IGSF10: variants seen among roughly 807,000 people sequenced by gnomAD.
IGSF10 encodes calvaria mechanical force protein 608.
A neutral mutation model predicts 128.2 loss-of-function variants in IGSF10; 126 were observed. The observed-to-expected ratio is 0.98, with a 90% CI of 0.85 to 1.14. IGSF10 has a LOEUF of 1.14. IGSF10 is among the 50% of genes most tolerant of loss of function. The pLI, the probability that IGSF10 is intolerant of heterozygous loss-of-function variation, is 0.00. For synonymous variants in IGSF10, 1,185 were observed against 1,146.2 expected (o/e 1.03, Z -0.68); for missense variants, 3,295 against 3,149.8 (o/e 1.05, Z -1.10).
chr3:151,480,841 C>T, the IGSF10 span, among the ~76,000 whole-genome samples: 1 of 152,046 alleles, frequency 6.6e-6, no homozygotes, highest in Non-Finnish European at 1.5e-5. Flanking sequence ...ACTACCAGAA[C>T]ATTTGTGCCC....
At chr3:151,613,530 A>G in the IGSF10 span, among the ~76,000 whole-genome samples, 39 of 152,354 alleles carry the variant, frequency 2.6e-4, no homozygotes, top group East Asian at 7.3e-3. Context: ...ACATATCTAC[A>G]ACTATCTGAT....
the IGSF10 span, among the ~76,000 whole-genome samples, chr3:151,539,805 T>TATC: frequency 2.6e-5 from 4 of 151,648 alleles, no homozygotes; most frequent in Non-Finnish European, 4.4e-5. Flanking sequence ...TCTATCTATC[T>TATC]ATCTATCTAT....
At chr3:151,523,422 G>A in the IGSF10 span, among the ~76,000 whole-genome samples, 1 of 152,054 alleles carries the variant, frequency 6.6e-6, no homozygotes, top group African/African-American at 2.4e-5. Flanking sequence ...AAACTGTACT[G>A]CAGGGCTACA....
chr3:151,507,548 G>A, the IGSF10 span, among the ~76,000 whole-genome samples: 1 of 152,156 alleles, frequency 6.6e-6, no homozygotes, highest in African/African-American at 2.4e-5. Flanking sequence ...AGTTCTGCAT[G>A]GCTGGGGAGG....
At chr3:151,598,840 C>T in the IGSF10 span, among the ~76,000 whole-genome samples, 4 of 152,032 alleles carry the variant, frequency 2.6e-5, no homozygotes, top group Admixed American at 2.6e-4. Context: ...GTGATGGGCT[C>T]ATTTGTATTT....
At chr3:151,491,467 A>G in the IGSF10 span, among the ~76,000 whole-genome samples, 3 of 152,116 alleles carry the variant, frequency 2.0e-5, no homozygotes, top group Non-Finnish European at 4.4e-5. Context: ...AATCCCGGGT[A>G]CTTGGGCAGC....
the IGSF10 span, among the ~76,000 whole-genome samples, chr3:151,491,039 G>T: frequency 2.6e-5 from 4 of 151,876 alleles, no homozygotes; most frequent in African/African-American, 9.7e-5. Flanking sequence ...AAAACAGAAA[G>T]CCATGGAAAG....
At chr3:151,551,539 C>G in the IGSF10 span, among the ~76,000 whole-genome samples, 1 of 151,992 alleles carries the variant, frequency 6.6e-6, no homozygotes, top group Non-Finnish European at 1.5e-5. Flanking sequence ...ACAGTTCAAA[C>G]TCATGTTGTT....
At chr3:151,504,382 CAG>C in the IGSF10 span, among the ~76,000 whole-genome samples, 191 of 152,150 alleles carry the variant, frequency 1.3e-3, 2 homozygotes, top group African/African-American at 4.2e-3. Context: ...TCAGAATTTG[CAG>C]AGAGAAAATG....
the IGSF10 span, among the ~76,000 whole-genome samples, chr3:151,593,119 T>C: frequency 2.6e-5 from 4 of 152,318 alleles, no homozygotes; most frequent in African/African-American, 9.6e-5. Context: ...AAAATGGTTC[T>C]AATTAATTAT....
At chr3:151,488,642 C>T in the IGSF10 span, among the ~76,000 whole-genome samples, 1 of 152,130 alleles carries the variant, frequency 6.6e-6, no homozygotes, top group Non-Finnish European at 1.5e-5. Flanking sequence ...ACCAATGGAA[C>T]AGAACAGAGC....
At chr3:151,439,577 A>G (rs1196498780) in intron 7 of IGSF10, among the ~76,000 whole-genome samples, 1 of 152,212 alleles carries the variant, frequency 6.6e-6, no homozygotes, top group Admixed American at 6.5e-5. Context: ...TCACACCACT[A>G]CACTCTAGTC....
chr3:151,614,904 A>T, the IGSF10 span, among the ~76,000 whole-genome samples: 1 of 151,860 alleles, frequency 6.6e-6, no homozygotes, highest in Non-Finnish European at 1.5e-5. Context: ...AAAAAAAAAA[A>T]AAAGAAGCCT....
the IGSF10 span, among the ~76,000 whole-genome samples, chr3:151,468,633 C>A: frequency 5.3e-5 from 8 of 152,124 alleles, no homozygotes; most frequent in Non-Finnish European, 1.0e-4. Context: ...CGTGTACAGT[C>A]CCGATGAATA....
rs1287006518 is a variant in IGSF10 at position 151,447,988 on chromosome 3, T to C, written c.1993A>G (p.Lys665Glu). The change falls in exon 6 of 8, where the codon AAA (lysine) becomes GAA (glutamate). Residue 665 changes from lysine to glutamate, a missense_variant. Physicochemically the swap from Lys to Glu is moderately conservative, Grantham distance 56. Transcript: ENST00000282466. ...TCATGCTCCAAGGGCCTTTGTCCTT[T>C]CATCTTGACTGAAACTTGGAAAATC... ...FLIFQVSVKM[K>E]GQRPLEHDGE... is the part of the protein sequence containing the mutation. 2 of 1,614,160 alleles carry C rather than the reference T, an allele frequency of 1.2e-6. No individual in the cohort carries two copies. The highest frequency in any genetic ancestry group is 4.5e-5 in the East Asian group (2 of 44,882).
chr3:151,551,658 G>A, the IGSF10 span, among the ~76,000 whole-genome samples: 1 of 113,030 alleles, frequency 8.8e-6, no homozygotes, highest in African/African-American at 3.8e-5. Context: ...TGGAACATGG[G>A]CATTACACAC....
the IGSF10 span, among the ~76,000 whole-genome samples, chr3:151,478,185 C>T: frequency 1.3e-5 from 2 of 152,142 alleles, no homozygotes; most frequent in African/African-American, 4.8e-5. Context: ...CAAACCCATT[C>T]TTAGCTCACC....
chr3:151,592,492 T>G, the IGSF10 span, among the ~76,000 whole-genome samples: 1 of 152,114 alleles, frequency 6.6e-6, no homozygotes, highest in Non-Finnish European at 1.5e-5. Flanking sequence ...ATTCAGAGGA[T>G]CCAGATAGCT....
chr3:151,463,538 T>TTTG (rs1722153887), upstream of IGSF10, among the ~76,000 whole-genome samples: 2 of 106,658 alleles, frequency 1.9e-5, no homozygotes, highest in Admixed American at 9.4e-5. Context: ...TTTTTTTTTT[T>TTTG]TTTTTTTTTT....
Sources: allele counts gnomAD v4.1 joint callset (sites outside exome capture counted in the v4.1 genomes callset), GRCh38; gene constraint gnomAD v4.1.1; transcripts MANE v1.5; gene names NCBI Gene and HGNC (gene_info 2026-07-23, HGNC 2026-07-21).